JAKMIP2: variants seen among roughly 807,000 people sequenced by gnomAD.
The protein encoded by JAKMIP2 is janus kinase and microtubule interacting protein 2, also known as janus kinase and microtubule-interacting protein 2.
A neutral mutation model predicts 115.0 loss-of-function variants in JAKMIP2; 25 were observed. The observed-to-expected ratio is 0.22, with a 90% CI of 0.16 to 0.30. The LOEUF (loss-of-function observed/expected upper bound fraction) is 0.30, where lower values mean the gene tolerates loss of function less well. Among genes scored for constraint, JAKMIP2 ranks in the 10% least tolerant of loss-of-function variants. JAKMIP2 has a pLI of 1.00. For synonymous variants in JAKMIP2, 334 were observed against 343.6 expected, an observed-to-expected ratio of 0.97 and a Z score of 0.31; for missense variants, 642 against 957.6, an observed-to-expected ratio of 0.67 and a Z score of 4.35.
At chr5:147,764,931 AGAGAGAGAGAGAGAGG>A (rs1561582411) in intron 1 of JAKMIP2, among the ~76,000 whole-genome samples, 8 of 100,118 alleles carry the variant, frequency 8.0e-5, no homozygotes, top group African/African-American at 3.2e-4. Context: ...AGAGAGAGAG[AGAGAGAGAGAGAGAGG>A]GAGAGAGAGA....
At chr5:147,678,518 A>C (rs61019853) in intron 1 of JAKMIP2, among the ~76,000 whole-genome samples, 2,993 of 152,186 alleles carry the variant, frequency 0.02, 102 homozygotes, top group African/African-American at 0.068. Context: ...CTCTTTATCC[A>C]TTTATTTGGT....
intron 1 of JAKMIP2, among the ~76,000 whole-genome samples, chr5:147,697,454 T>C (rs1341400774): frequency 2.6e-5 from 4 of 152,086 alleles, no homozygotes; most frequent in Non-Finnish European, 5.9e-5. Flanking sequence ...AAAAGCCAAA[T>C]GTTAATCACC....
chr5:147,657,829 T>C (rs754315691), intron 3 of JAKMIP2, among the ~76,000 whole-genome samples: 23 of 152,078 alleles, frequency 1.5e-4, no homozygotes, highest in Non-Finnish European at 3.4e-4. Flanking sequence ...CACGAAGTTC[T>C]CGTGCAGTGT....
intron 1 of JAKMIP2, among the ~76,000 whole-genome samples, chr5:147,777,471 G>A (rs752781188): frequency 5.3e-5 from 8 of 152,146 alleles, no homozygotes; most frequent in Non-Finnish European, 1.2e-4. Context: ...GTCTGCATGT[G>A]TCTCTATGTG....
intron 1 of JAKMIP2, among the ~76,000 whole-genome samples, chr5:147,738,142 C>T (rs777517590): frequency 2.0e-5 from 3 of 152,058 alleles, no homozygotes; most frequent in Non-Finnish European, 2.9e-5. Flanking sequence ...GTACACAGCA[C>T]GAAGCAAAGA....
At chr5:147,721,134 G>A (rs1002921363) in intron 1 of JAKMIP2, among the ~76,000 whole-genome samples, 13 of 151,728 alleles carry the variant, frequency 8.6e-5, no homozygotes, top group Admixed American at 3.3e-4. Flanking sequence ...TGCCCCTGCT[G>A]GGGGGTGCCT....
chr5:147,755,033 T>C (rs183463178), intron 1 of JAKMIP2, among the ~76,000 whole-genome samples: 2 of 152,252 alleles, frequency 1.3e-5, no homozygotes, highest in Admixed American at 1.3e-4. Context: ...ATTTTATGAC[T>C]ATAGAGTTGG....
rs758985625 is a variant in JAKMIP2, at chr5:147,661,296, G to C, written c.279C>G (p.Ile93Met). 13 of 1,613,792 alleles carry C rather than the reference G, an allele frequency of 8.1e-6. No individual in the cohort carries two copies. The highest frequency in any genetic ancestry group is 1.0e-5 in the Non-Finnish European group (12 of 1,180,018). ...TTGACATTTCCTGCTCGTGCTGCTT[G>C]ATAAGGTTCTCCCTCACAGCCTGCA... is the stretch of plus-strand genomic sequence containing the variant. ...KELQAVRENL[I>M]KQHEQEMSRT... Residue 93 changes from isoleucine to methionine, a missense_variant, in exon 3 of 22, where the codon ATC becomes ATG. This residue lies in a region of JAKMIP2 where 439 missense variants were observed against 570.9 expected (regional missense o/e 0.77). Transcript: ENST00000616793.
intron 1 of JAKMIP2, among the ~76,000 whole-genome samples, chr5:147,675,782 CAT>C (rs1491090777): frequency 1.5e-4 from 19 of 126,794 alleles, no homozygotes; most frequent in Middle Eastern, 4.0e-3. Context: ...AATCATATGA[CAT>C]TTTTTTTTTT....
At chr5:147,594,537 T>C (rs1042534274) in intron 21 of JAKMIP2, 3 of 389,068 alleles carry the variant, frequency 7.7e-6, no homozygotes, top group Admixed American at 2.5e-5. Flanking sequence ...TTTCACCATG[T>C]TTCCCAGGCT....
At chr5:147,597,030 GC>G (rs1210429780) in intron 21 of JAKMIP2, among the ~76,000 whole-genome samples, 5 of 133,176 alleles carry the variant, frequency 3.8e-5, no homozygotes, top group Non-Finnish European at 7.9e-5. Context: ...GGACCACCAT[GC>G]CTGGCTAATT....
chr5:147,668,676 C>T (rs569356130), intron 2 of JAKMIP2, among the ~76,000 whole-genome samples: 1 of 152,298 alleles, frequency 6.6e-6, no homozygotes, highest in South Asian at 2.1e-4. Flanking sequence ...GGCATGAAAG[C>T]ACTTAACATG....
At chr5:147,631,626 GA>G in intron 13 of JAKMIP2, 115 bp from the exon 14 acceptor site, 1 of 563,178 alleles carries the variant, frequency 1.8e-6, no homozygotes, top group South Asian at 3.4e-5. Context: ...TTGGCAAAAA[GA>G]AAAAAATTCA....
intron 21 of JAKMIP2, 92 bp from the exon 22 acceptor site, chr5:147,591,778 T>C: frequency 1.3e-6 from 1 of 778,240 alleles, no homozygotes; most frequent in Non-Finnish European, 2.2e-6. Context: ...ACAAATTTTT[T>C]ATTCTTTACC....
At chr5:147,702,660 GAAAGAGAGAGAAAGA>G (rs1561547705) in intron 1 of JAKMIP2, among the ~76,000 whole-genome samples, 1 of 110,124 alleles carries the variant, frequency 9.1e-6, no homozygotes, top group African/African-American at 4.3e-5. Flanking sequence ...AAGAAAGAAA[GAAAGAGAGAGAAAGA>G]AAGAGAAAGA....
chr5:147,598,006 C>A (rs370057750), intron 21 of JAKMIP2, among the ~76,000 whole-genome samples: 1 of 126,144 alleles, frequency 7.9e-6, no homozygotes, highest in Non-Finnish European at 1.7e-5. Context: ...TTTTTTTTTT[C>A]TTTATTTTTT....
chr5:147,651,563 T>C (rs1441489774), intron 3 of JAKMIP2, among the ~76,000 whole-genome samples: 3 of 145,256 alleles, frequency 2.1e-5, no homozygotes, highest in African/African-American at 7.9e-5. Flanking sequence ...TTTCTAAAAG[T>C]GTCTCCTTAT....
In JAKMIP2 at chr5:147,620,850, A is replaced by G. The variant is rs370203352; in HGVS notation, c.2065-107T>C. 7.8e-6 allele frequency: 6 copies of G among 764,488 alleles called. No homozygotes were observed. The East Asian group carries it at 1.0e-4, about 13-fold the overall frequency. The allele number at this position is 764,488 out of a possible 1,614,324, so 47.4% of individuals were successfully genotyped here. On this transcript the variant is annotated intron_variant, in intron 17 of 21. Coordinates refer to ENST00000616793, the MANE Select transcript of JAKMIP2 (RefSeq NM_001270941.2). ...TAATTCTACCATAAGACAAATCACT[A>G]GTATTTGTAGAGTCATAAATTTTGT...
intron 1 of JAKMIP2, among the ~76,000 whole-genome samples, chr5:147,673,477 A>G (rs1459124618): frequency 6.6e-6 from 1 of 152,122 alleles, no homozygotes; most frequent in Non-Finnish European, 1.5e-5. Context: ...CCATCTGCTC[A>G]TGAGCACTGA....
Sources: allele counts gnomAD v4.1 joint callset (sites outside exome capture counted in the v4.1 genomes callset), GRCh38; gene constraint gnomAD v4.1.1; regional missense constraint gnomAD v4.1.1; transcripts MANE v1.5; gene names NCBI Gene and HGNC (gene_info 2026-07-23, HGNC 2026-07-21).